Variants in IFNLR1 observed in about 807,000 individuals in gnomAD.
IFNLR1 encodes interferon lambda receptor 1.
IFNLR1 carries 28 observed loss-of-function variants against 52.5 expected under a neutral mutation model. The observed-to-expected ratio is 0.53, with a 90% CI of 0.40 to 0.73. The LOEUF (loss-of-function observed/expected upper bound fraction) is 0.73. IFNLR1 is among the 30% of genes least tolerant of loss of function. IFNLR1 has a pLI of 0.00. For missense variants in IFNLR1, 623 were observed against 659.1 expected, an observed-to-expected ratio of 0.95 and a Z score of 0.60; for synonymous variants, 276 against 274.9, an observed-to-expected ratio of 1.00 and a Z score of -0.04.
rs948765069 is a variant in IFNLR1, at chr1:24,157,301, T to C, written c.1392A>G (p.Gly464=). The C allele has an allele frequency of 6.2e-7, 1 of 1,612,984 alleles. No homozygotes were observed. The highest frequency in any genetic ancestry group is 1.3e-5 in the African/African-American group (1 of 74,458). ...LPPEPNLVPG[G]PPVSLQTLTF... ...TCAGTGTCTGAAGAGAAACTGGGGGTCCCCCAGGGACCAGATTCGGCTCCG... is the reference window on the plus strand; with the variant it reads ...TCAGTGTCTGAAGAGAAACTGGGGGCCCCCCAGGGACCAGATTCGGCTCCG... Residue 464 remains glycine (G), a synonymous_variant, in exon 7 of 7, where the codon GGA becomes GGG. Transcript: ENST00000327535. The surrounding 1 kb of genome is among the most constrained non-coding windows in gnomAD (Gnocchi z 5.1).
At chr1:24,180,304 A>G (rs1644675741) in intron 2 of IFNLR1, among the ~76,000 whole-genome samples, 1 of 151,742 alleles carries the variant, frequency 6.6e-6, no homozygotes, top group Non-Finnish European at 1.5e-5. Context: ...CTCAAAAAAA[A>G]AAAAAAAAGA....
chr1:24,157,816 A>C lies in IFNLR1; in HGVS notation c.877T>G (p.Cys293Gly). Reference sequence around the variant, plus strand: ...CCTCTGGTCAGTTCCTTTTGGGGACAGAGGAACAAGTCATTCACGGACTCT... The same window carrying C: ...CCTCTGGTCAGTTCCTTTTGGGGACCGAGGAACAAGTCATTCACGGACTCT... ...RPESVNDLFL[C>G]PQKELTRGVR... Residue 293 changes from cysteine to glycine, a missense_variant, in exon 7 of 7, where the codon TGT (cysteine) becomes GGT (glycine). Physicochemically the swap from Cys to Gly is radical, Grantham distance 159. Coordinates refer to ENST00000327535, the MANE Select transcript of IFNLR1 (RefSeq NM_170743.4). The surrounding 1 kb of genome is among the most constrained non-coding windows in gnomAD (Gnocchi z 5.1). 2.5e-6 allele frequency: 4 copies of C among 1,613,946 alleles called. No homozygotes were observed. Among genetic ancestry groups the C allele is most frequent in the Non-Finnish European group, 2.5e-6 (3 of 1,179,944 alleles).
In IFNLR1 at chr1:24,156,866, T is replaced by G; in HGVS notation, c.*264A>C. On this transcript the variant is annotated 3_prime_UTR_variant, in exon 7 of 7. Transcript: ENST00000327535. ...CCTGTCACCCTAGGGACAATGGGGG[T>G]GATGACACCCCACCAACCTCTGACC... The G allele has an allele frequency of 2.0e-6, 1 of 507,890 alleles. No homozygotes were observed. The highest frequency in any genetic ancestry group is 3.5e-6 in the Non-Finnish European group (1 of 287,714). 31.5% of individuals were successfully genotyped at this position (507,890 alleles called of 1,614,324 possible).
rs771352911 is a variant in IFNLR1, at chr1:24,155,596, C to T, written c.*1534G>A. ...CATGGCGCCCCCTGCAACTGCAGCC[C>T]AAGGCCTCTGGGGGACATGGTTTGA... is the stretch of plus-strand genomic sequence containing the variant. On this transcript the variant is annotated 3_prime_UTR_variant, in exon 7 of 7. Transcript: ENST00000327535. The T allele has an allele frequency of 7.2e-5, 11 of 152,304 alleles. No homozygotes were observed. The highest frequency in any genetic ancestry group is 2.0e-4 in the Admixed American group (3 of 15,290). The allele number at this position is 152,304 out of a possible 1,614,324, so 9.4% of individuals were successfully genotyped here. A position where few individuals can be genotyped will look rare whatever the true frequency, so the allele number is the denominator to read the frequency against.
intron 1 of IFNLR1, among the ~76,000 whole-genome samples, chr1:24,181,412 C>T (rs767863912): frequency 2.0e-5 from 3 of 152,230 alleles, no homozygotes; most frequent in Admixed American, 6.5e-5. Context: ...CTCTCCCTCC[C>T]GGCAAACTGG....
intron 3 of IFNLR1, among the ~76,000 whole-genome samples, chr1:24,162,736 C>CTTT (rs1557643746): frequency 3.5e-5 from 1 of 28,872 alleles, no homozygotes; most frequent in African/African-American, 1.2e-4. Flanking sequence ...TTCTTTCTTT[C>CTTT]TTTCTTTCTT....
intron 6 of IFNLR1, among the ~76,000 whole-genome samples, chr1:24,158,573 C>T (rs749670893): frequency 4.6e-5 from 7 of 152,210 alleles, no homozygotes; most frequent in Non-Finnish European, 8.8e-5. Context: ...CGACCTATAT[C>T]ACCTCCTGGG....
rs1644417512 is a variant in IFNLR1, at chr1:24,159,498, T to A, written c.646A>T (p.Thr216Ser). The change falls in exon 5 of 7, where the codon ACC becomes TCC. Residue 216 changes from threonine to serine, a missense_variant. Physicochemically the swap from Thr to Ser is moderately conservative, Grantham distance 58. Coordinates refer to ENST00000327535, the MANE Select transcript of IFNLR1 (RefSeq NM_170743.4). ...CCTGGGACCTCCAGCAAGAAGCAGG[T>A]GGGCTTAGAGAACTTGCTGTATTTC... The part of the protein sequence containing the change: ...VPKYSKFSKP[T>S]CFLLEVPEAN... 6.2e-7 allele frequency: 1 copy of A among 1,613,974 alleles called. No homozygotes were observed. Among genetic ancestry groups the A allele is most frequent in the Admixed American group, 1.7e-5 (1 of 60,004 alleles).
chr1:24,174,411 G>A (rs1644611729), intron 2 of IFNLR1, among the ~76,000 whole-genome samples: 1 of 152,168 alleles, frequency 6.6e-6, no homozygotes, highest in South Asian at 2.1e-4. Context: ...TTGCATAATG[G>A]GTAGAATCTT....
Position 24,159,577 on chromosome 1 carries a change from A to T in IFNLR1, c.567T>A (p.Ala189=), listed in dbSNP as rs1296179542. The T allele has an allele frequency of 6.2e-7, 1 of 1,614,112 alleles. No individual in the cohort carries two copies. Among genetic ancestry groups the T allele is most frequent in the South Asian group, 1.1e-5 (1 of 91,080 alleles). ...GQPVQITLQP[A]ASEHHCLSAR... ...CACTGAGGCAGTGGTGTTCGCTGGC[A>T]GCTGGCTGGAGAGTGATCTGGACTG... Residue 189 remains alanine, a synonymous_variant, in exon 5 of 7, where the codon GCT becomes GCA. Transcript: ENST00000327535.
chr1:24,162,872 T>TCTCCTTCCTTCCTTCCTTCCTTCC (rs1644474002), intron 3 of IFNLR1, among the ~76,000 whole-genome samples: 8 of 40,120 alleles, frequency 2.0e-4, no homozygotes, highest in African/African-American at 2.4e-4. Context: ...TCTTTCTTTC[T>TCTCCTTCCTTCCTTCCTTCCTTCC]TTCTTTCCTT....
At position 24,167,743 on chromosome 1, in the gene IFNLR1, G is replaced by A. The variant is rs182773068; in HGVS notation, c.367+1674C>T. Among the ~76,000 whole-genome samples, 1,017 of 152,132 alleles carry A rather than the reference G, an allele frequency of 6.7e-3. 6 individuals are homozygous for A. Among genetic ancestry groups the A allele is most frequent in the African/African-American group, 0.023 (948 of 41,478 alleles). The stretch of plus-strand genomic sequence containing the variant: ...GGAGTCTTGCTCTGTCACCCAGGCT[G>A]AAGTGCAGTGGCACGATCTCAGCTC... On this transcript the variant is annotated intron_variant, in intron 3 of 6. Coordinates refer to ENST00000327535, the MANE Select transcript of IFNLR1 (RefSeq NM_170743.4).
chr1:24,175,276 G>T (rs898819576), intron 2 of IFNLR1, among the ~76,000 whole-genome samples: 1 of 152,248 alleles, frequency 6.6e-6, no homozygotes, highest in Non-Finnish European at 1.5e-5. Flanking sequence ...AGTGACTCGA[G>T]GGTAGGGTCA....
In IFNLR1 at chr1:24,159,144, T is replaced by A. The variant is rs2148585868; in HGVS notation, c.709A>T (p.Ile237Leu). The A allele has an allele frequency of 5.0e-6, 8 of 1,614,038 alleles. No homozygotes were observed. The highest frequency in any genetic ancestry group is 1.1e-5 in the South Asian group (1 of 91,070). ...CCTGCGGCAATTACTAACAGCAGTA[T>A]CAGAAGCGATGGCAGCACCAGGAAA... is the stretch of plus-strand genomic sequence containing the variant. ...WAFLVLPSLL[I>L]LLLVIAAGGV... Residue 237 changes from isoleucine to leucine, a missense_variant, in exon 6 of 7, where the codon ATA becomes TTA. Transcript: ENST00000327535.
At chr1:24,162,284 C>T (rs1644452597) in intron 3 of IFNLR1, among the ~76,000 whole-genome samples, 1 of 152,158 alleles carries the variant, frequency 6.6e-6, no homozygotes, top group African/African-American at 2.4e-5. Flanking sequence ...CCGGAAGGCA[C>T]CCACATTTTT....
chr1:24,187,243 CG>C lies in IFNLR1; in HGVS notation c.5del (p.Ala2GlyfsTer29). 7.8e-7 allele frequency: 1 copy of C among 1,277,694 alleles called. No individual in the cohort carries two copies. Among genetic ancestry groups the C allele is most frequent in the Non-Finnish European group, 9.9e-7 (1 of 1,011,582 alleles). The allele number at this position is 1,277,694 out of a possible 1,614,324, so 79.1% of individuals were successfully genotyped here. A position where few individuals can be genotyped will look rare whatever the true frequency, so the allele number is the denominator to read the frequency against. MAGPERWGPLLL... is the reference protein window; with the variant it reads MXGPERWGPLLL... The stretch of plus-strand genomic sequence containing the variant: ...GCAGGGGGCCCCAGCGCTCGGGCCC[CG>C]CCATGGCCTTCCTGCCGCGGCGTCC... On this transcript the variant is annotated frameshift_variant, in exon 1 of 7. Transcript: ENST00000327535. LOFTEE classifies it high-confidence loss of function.
rs200381326 is a variant in IFNLR1, at chr1:24,157,782, G to A, written c.911C>T (p.Pro304Leu). The change falls in exon 7 of 7, where the codon CCG becomes CTG. Residue 304 changes from proline (P) to leucine (L), a missense_variant. Transcript: ENST00000327535. This position sits in a 1 kb window ranked among gnomAD's most constrained non-coding sequence, Gnocchi z 5.1. Reference protein sequence around the residue: ...PQKELTRGVRPTPRVRAPATQ... With the variant: ...PQKELTRGVRLTPRVRAPATQ... ...GGCTGGGGCCCTGACTCGAGGCGTC[G>A]GCCTGACCCCTCTGGTCAGTTCCTT... The A allele has an allele frequency of 2.3e-5, 37 of 1,614,124 alleles. No homozygotes were observed. Among genetic ancestry groups the A allele is most frequent in the Admixed American group, 1.2e-4 (7 of 60,020 alleles).
At chr1:24,162,873 T>C (rs1262026973) in intron 3 of IFNLR1, among the ~76,000 whole-genome samples, 7 of 76,312 alleles carry the variant, frequency 9.2e-5, no homozygotes, top group Non-Finnish European at 1.8e-4. Context: ...CTTTCTTTCT[T>C]TCTTTCCTTC....
intron 1 of IFNLR1, among the ~76,000 whole-genome samples, chr1:24,181,289 TC>T (rs1644688399): frequency 6.6e-6 from 1 of 152,208 alleles, no homozygotes. Context: ...TCTCCTTGCT[TC>T]CAACCTTGTG....
Sources: gnomAD v4.1 joint callset for allele counts (sites outside exome capture counted in the v4.1 genomes callset) on GRCh38, gnomAD v4.1.1 for gene constraint, Gnocchi (gnomAD v3.1) non-coding constraint, MANE v1.5 for transcripts, NCBI Gene and HGNC (gene_info 2026-07-23, HGNC 2026-07-21) for gene names.